The following MYOM1 variants were observed in gnomAD, a reference collection of about 807,000 sequenced individuals.
MYOM1 encodes myomesin 1.
In MYOM1, 164 loss-of-function variants were observed where a neutral mutation model predicts 205.3. The observed-to-expected ratio is 0.80, with a 90% CI of 0.70 to 0.91. MYOM1 has a LOEUF of 0.91. Ranked by LOEUF, MYOM1 falls within the 40% of genes least tolerant of loss-of-function variation. MYOM1 has a pLI of 0.00. For missense variants in MYOM1, 2,011 were observed against 2,127.3 expected, an observed-to-expected ratio of 0.95 and a Z score of 1.08; for synonymous variants, 772 against 789.4, an observed-to-expected ratio of 0.98 and a Z score of 0.37.
At chr18:3,239,447 A>G in the MYOM1 span, among the ~76,000 whole-genome samples, 1 of 152,108 alleles carries the variant, frequency 6.6e-6, no homozygotes, top group Admixed American at 6.5e-5. Context: ...AAGTTATAAA[A>G]CTGACATCAA....
At chr18:3,186,281 G>C (rs929369813) in intron 5 of MYOM1, among the ~76,000 whole-genome samples, 1 of 152,098 alleles carries the variant, frequency 6.6e-6, no homozygotes, top group African/African-American at 2.4e-5. Context: ...GCAGGCATCT[G>C]ATCAACATTA....
At chr18:3,233,046 C>T in the MYOM1 span, among the ~76,000 whole-genome samples, 2 of 152,186 alleles carry the variant, frequency 1.3e-5, no homozygotes, top group Non-Finnish European at 2.9e-5. Context: ...GAAATAATTA[C>T]TGTAAGAACT....
chr18:3,177,211 C>G (rs1429214059), intron 5 of MYOM1, among the ~76,000 whole-genome samples: 1 of 152,004 alleles, frequency 6.6e-6, no homozygotes, highest in African/African-American at 2.4e-5. Flanking sequence ...TGCACTCCAG[C>G]CTGGGCAACA....
chr18:3,242,894 T>G, the MYOM1 span, among the ~76,000 whole-genome samples: 1 of 152,214 alleles, frequency 6.6e-6, no homozygotes, highest in African/African-American at 2.4e-5. Flanking sequence ...CCTTTTTTTG[T>G]TTGCTTTATT....
intron 10 of MYOM1, among the ~76,000 whole-genome samples, chr18:3,160,102 C>CCTCCTCCTTCTTCTCCTCCTCCTT (rs1555625028): frequency 6.8e-4 from 99 of 146,594 alleles, no homozygotes; most frequent in African/African-American, 2.2e-3. Context: ...TTCTCCTCCT[C>CCTCCTCCTTCTTCTCCTCCTCCTT]CTTCTTCTTC....
chr18:3,187,376 G>T, intron 5 of MYOM1, 104 bp downstream of exon 5: 2 of 1,256,906 alleles, frequency 1.6e-6, no homozygotes, highest in Non-Finnish European at 2.2e-6. Context: ...CAATCTTGTA[G>T]ATGTCTTCAT....
At chr18:3,235,611 T>A in the MYOM1 span, among the ~76,000 whole-genome samples, 2 of 152,234 alleles carry the variant, frequency 1.3e-5, no homozygotes, top group Admixed American at 6.5e-5. Context: ...ATACATTGAA[T>A]GCCTATAATG....
In MYOM1 at chr18:3,113,972, T is replaced by A. The variant is rs367979647; in HGVS notation, c.3304-1560A>T. 7.2e-4 allele frequency among the ~76,000 whole-genome samples: 109 copies of A among 152,354 alleles called. 2 individuals carry two copies. The South Asian group carries it at 0.018, about 26-fold the overall frequency. ...CAGCAGAATGTCACTATTTATGTAGTAATAGCCCTCACTGGCACTAACGGA... is the reference window on the plus strand; with the variant it reads ...CAGCAGAATGTCACTATTTATGTAGAAATAGCCCTCACTGGCACTAACGGA... On this transcript the variant is annotated intron_variant, in intron 21 of 37. Coordinates refer to ENST00000356443, the MANE Select transcript of MYOM1 (RefSeq NM_003803.4).
intron 24 of MYOM1, 50 bp downstream of exon 24, chr18:3,100,270 G>A (rs760718239): frequency 4.3e-6 from 7 of 1,612,376 alleles, no homozygotes; most frequent in East Asian, 2.2e-5. Context: ...AAGAATAACT[G>A]AGAATTCAAA....
intron 19 of MYOM1, among the ~76,000 whole-genome samples, chr18:3,122,129 A>G (rs987441004): frequency 1.3e-5 from 2 of 152,144 alleles, no homozygotes; most frequent in Non-Finnish European, 2.9e-5. Context: ...AAAAAAAGAG[A>G]AAGAAACACA....
At chr18:3,074,579 A>G (rs1367479403) in intron 36 of MYOM1, among the ~76,000 whole-genome samples, 1 of 152,228 alleles carries the variant, frequency 6.6e-6, no homozygotes, top group Non-Finnish European at 1.5e-5. Flanking sequence ...TGTGTGAAAC[A>G]AACAGCTCAC....
intron 5 of MYOM1, among the ~76,000 whole-genome samples, chr18:3,180,017 T>C (rs1397698255): frequency 6.6e-6 from 1 of 152,146 alleles, no homozygotes; most frequent in Non-Finnish European, 1.5e-5. Flanking sequence ...ATTCTGCAGG[T>C]CAGCAGTGGC....
chr18:3,094,365 A>T, intron 25 of MYOM1, 59 bp from the exon 26 acceptor site: 4 of 1,245,598 alleles, frequency 3.2e-6, no homozygotes, highest in Non-Finnish European at 2.1e-6. Context: ...ATTGGTACTC[A>T]TTTTCCATCA....
chr18:3,072,973 A>ATTTTTTT (rs770278592), intron 36 of MYOM1, among the ~76,000 whole-genome samples: 2 of 102,440 alleles, frequency 2.0e-5, no homozygotes, highest in Non-Finnish European at 1.9e-5. Context: ...AGATGTAAGC[A>ATTTTTTT]TTTTTTTTTT....
the MYOM1 span, among the ~76,000 whole-genome samples, chr18:3,231,603 G>A: frequency 2.8e-5 from 4 of 145,010 alleles, no homozygotes; most frequent in Non-Finnish European, 4.5e-5. Flanking sequence ...GCAATGGCGC[G>A]ATCTTGGCTC....
intron 10 of MYOM1, among the ~76,000 whole-genome samples, chr18:3,157,065 G>A (rs1372421731): frequency 6.6e-6 from 1 of 152,198 alleles, no homozygotes; most frequent in African/African-American, 2.4e-5. Flanking sequence ...TCAGCTACAA[G>A]AGGGACAGCT....
At chr18:3,145,102 A>T (rs2080106264) in intron 13 of MYOM1, among the ~76,000 whole-genome samples, 1 of 152,182 alleles carries the variant, frequency 6.6e-6, no homozygotes, top group Non-Finnish European at 1.5e-5. Context: ...TGAGGTCAGG[A>T]GTTCGAGACC....
At chr18:3,183,476 T>C (rs2080768770) in intron 5 of MYOM1, among the ~76,000 whole-genome samples, 1 of 152,124 alleles carries the variant, frequency 6.6e-6, no homozygotes, top group Admixed American at 6.5e-5. Flanking sequence ...GGAACTCCCA[T>C]GAGTGAAGGT....
chr18:3,089,297 A>T lies in MYOM1; in HGVS notation c.4070-56T>A. On this transcript the variant is annotated intron_variant, in intron 28 of 37. Transcript: ENST00000356443. ...TCTATTAATCACAAATGCAAAATCA[A>T]AGCTCACACTTAAGTCCTAAGGTGA... 5.8e-6 allele frequency: 8 copies of T among 1,370,602 alleles called. No homozygotes were observed. In the Admixed American group the frequency reaches 1.4e-4, roughly 24 times the overall value. 84.9% of individuals were successfully genotyped at this position (1,370,602 alleles called of 1,614,324 possible). A position where few individuals can be genotyped will look rare whatever the true frequency, so the allele number is the denominator to read the frequency against.
Sources: gnomAD v4.1 joint callset for allele counts (sites outside exome capture counted in the v4.1 genomes callset) on GRCh38, gnomAD v4.1.1 for gene constraint, MANE v1.5 for transcripts, NCBI Gene and HGNC (gene_info 2026-07-23, HGNC 2026-07-21) for gene names.